The following GFM1 variants were observed in gnomAD, a reference collection of about 807,000 sequenced individuals.
The protein encoded by GFM1 is G elongation factor mitochondrial 1.
GFM1 carries 62 observed loss-of-function variants against 96.2 expected under a neutral mutation model. That is an observed-to-expected ratio of 0.64 (90% CI 0.53 to 0.80). The LOEUF (loss-of-function observed/expected upper bound fraction) is 0.80, where lower values mean the gene tolerates loss of function less well. Among genes scored for constraint, GFM1 ranks in the 30% least tolerant of loss-of-function variants. The pLI is 0.00. For synonymous variants in GFM1, 282 were observed against 312.9 expected, an observed-to-expected ratio of 0.90 and a Z score of 1.04; for missense variants, 852 against 916.6, an observed-to-expected ratio of 0.93 and a Z score of 0.91.
chr3:158,688,036 GTTA>G (rs1470700074), intron 15 of GFM1, among the ~76,000 whole-genome samples: 1 of 151,842 alleles, frequency 6.6e-6, no homozygotes, highest in Non-Finnish European at 1.5e-5. Flanking sequence ...AGATATTATA[GTTA>G]TTATAATAGT....
intron 8 of GFM1, chr3:158,656,396 G>C (rs1225248140): frequency 1.9e-5 from 3 of 156,338 alleles, no homozygotes; most frequent in African/African-American, 7.2e-5. Flanking sequence ...CAGGTGATCC[G>C]AGTGTCTTGG....
intron 10 of GFM1, 65 bp downstream of exon 10, chr3:158,661,040 G>C: frequency 7.7e-7 from 1 of 1,292,934 alleles, no homozygotes. Context: ...TTTATGTAGT[G>C]CATTTAATAC....
chr3:158,670,985 T>A (rs1229799129), intron 13 of GFM1: 4 of 1,539,436 alleles, frequency 2.6e-6, no homozygotes, highest in Non-Finnish European at 3.5e-6. Flanking sequence ...AACAGCAAAT[T>A]TAAGGTGATA....
chr3:158,659,514 A>G (rs1339016861), intron 9 of GFM1, among the ~76,000 whole-genome samples: 2 of 152,350 alleles, frequency 1.3e-5, no homozygotes, highest in East Asian at 1.9e-4. Flanking sequence ...TAGAGCTTCT[A>G]TTCCTGTTGT....
At chr3:158,658,836 T>G in intron 8 of GFM1, 86 bp from the exon 9 acceptor site, 1 of 1,418,416 alleles carries the variant, frequency 7.1e-7, no homozygotes, top group Non-Finnish European at 9.9e-7. Context: ...AGAGAATACT[T>G]GGAGGGAGTT....
chr3:158,687,092 T>C (rs911780076), intron 15 of GFM1, among the ~76,000 whole-genome samples: 1 of 152,034 alleles, frequency 6.6e-6, no homozygotes, highest in Admixed American at 6.6e-5. Context: ...AACCTCGAAT[T>C]CCTGGGCTCA....
At chr3:158,685,406 A>G (rs566673850) in intron 15 of GFM1, 3 of 152,226 alleles carry the variant, frequency 2.0e-5, no homozygotes, top group Non-Finnish European at 2.9e-5. Flanking sequence ...AGTAATGTCC[A>G]CCGGTGTCTT....
At chr3:158,685,582 C>T (rs1322116109) in intron 15 of GFM1, among the ~76,000 whole-genome samples, 1 of 152,140 alleles carries the variant, frequency 6.6e-6, no homozygotes, top group Admixed American at 6.6e-5. Context: ...GGTCACACTT[C>T]GCATCTGTGA....
chr3:158,684,766 C>T, intron 15 of GFM1, 98 bp downstream of exon 15: 1 of 1,244,922 alleles, frequency 8.0e-7, no homozygotes, highest in Non-Finnish European at 1.2e-6. Flanking sequence ...ACCCAGAGCA[C>T]TAGGCTCCAC....
At chr3:158,647,239 G>A (rs1721894150) in intron 4 of GFM1, among the ~76,000 whole-genome samples, 1 of 151,992 alleles carries the variant, frequency 6.6e-6, no homozygotes, top group Admixed American at 6.5e-5. Flanking sequence ...TATGAGAGAA[G>A]TTATAATCTA....
At chr3:158,679,906 CTCT>C (rs1250634473) in intron 13 of GFM1, among the ~76,000 whole-genome samples, 1 of 152,188 alleles carries the variant, frequency 6.6e-6, no homozygotes, top group Non-Finnish European at 1.5e-5. Flanking sequence ...CAGTCACCAT[CTCT>C]GTATATCAAA....
chr3:158,678,816 A>G (rs1725121937), intron 13 of GFM1, among the ~76,000 whole-genome samples: 1 of 152,252 alleles, frequency 6.6e-6, no homozygotes, highest in Admixed American at 6.5e-5. Context: ...CACATACAAC[A>G]GAGAAGTCTT....
At position 158,694,504 on chromosome 3, in the gene GFM1, G is replaced by A. The variant is rs1428044120; in HGVS notation, c.*3037G>A. Among the ~76,000 whole-genome samples, 1 of 152,104 alleles carries A rather than the reference G, an allele frequency of 6.6e-6. No homozygotes were observed. The highest frequency in any genetic ancestry group is 1.5e-5 in the Non-Finnish European group (1 of 68,020). On this transcript the variant is annotated 3_prime_UTR_variant, in exon 18 of 18. Transcript: ENST00000486715. ...GTACTAGGCTTAATACCTTGATGATGAAATAATCTGTACAACAAACCCCCA... is the reference window on the plus strand; with the variant it reads ...GTACTAGGCTTAATACCTTGATGATAAAATAATCTGTACAACAAACCCCCA...
chr3:158,650,046 A>T (rs1391657054), intron 5 of GFM1: 1 of 1,535,988 alleles, frequency 6.5e-7, no homozygotes, highest in South Asian at 1.2e-5. Flanking sequence ...TGGAATTGGG[A>T]TCGCAGGTCT....
chr3:158,655,354 G>T (rs1722658900), intron 8 of GFM1, among the ~76,000 whole-genome samples: 1 of 151,930 alleles, frequency 6.6e-6, no homozygotes, highest in Admixed American at 6.6e-5. Flanking sequence ...TATGGTGGCG[G>T]ACACCTGTAA....
At chr3:158,670,875 A>C in intron 13 of GFM1, 8 of 1,348,776 alleles carry the variant, frequency 5.9e-6, no homozygotes, top group Non-Finnish European at 7.7e-6. Context: ...TTGAGGCTGC[A>C]GTGAGCCATG....
intron 13 of GFM1, chr3:158,667,059 A>G: frequency 3.1e-6 from 5 of 1,590,814 alleles, no homozygotes; most frequent in Non-Finnish European, 4.3e-6. Context: ...AATTCAATAA[A>G]GTCATCATTT....
At chr3:158,660,744 A>G in intron 9 of GFM1, 130 bp from the exon 10 acceptor site, 1 of 761,884 alleles carries the variant, frequency 1.3e-6, no homozygotes, top group South Asian at 1.5e-5. Flanking sequence ...AATTCACTAT[A>G]GAATTCAAGC....
At chr3:158,686,844 T>C (rs921651716) in intron 15 of GFM1, among the ~76,000 whole-genome samples, 2 of 150,192 alleles carry the variant, frequency 1.3e-5, no homozygotes, top group African/African-American at 2.4e-5. Flanking sequence ...GCAATTCTTA[T>C]GCCTCAGCCT....
Sources: gnomAD v4.1 joint callset for allele counts (sites outside exome capture counted in the v4.1 genomes callset) on GRCh38, gnomAD v4.1.1 for gene constraint, MANE v1.5 for transcripts, NCBI Gene and HGNC (gene_info 2026-07-23, HGNC 2026-07-21) for gene names.